SLC33A1: variants seen among roughly 807,000 people sequenced by gnomAD.
SLC33A1 encodes solute carrier family 33 member 1, also known as acetyl-coenzyme A transporter 1.
In SLC33A1, 20 loss-of-function variants were observed where a neutral mutation model predicts 50.0. That is an observed-to-expected ratio of 0.40 (90% CI 0.28 to 0.58). The LOEUF (loss-of-function observed/expected upper bound fraction) is 0.58, where lower values mean the gene tolerates loss of function less well. Among genes scored for constraint, SLC33A1 ranks in the 20% least tolerant of loss-of-function variants. SLC33A1 has a pLI of 0.44. For missense variants in SLC33A1, 476 were observed against 657.0 expected, an observed-to-expected ratio of 0.72 and a Z score of 3.01; for synonymous variants, 265 against 251.8, an observed-to-expected ratio of 1.05 and a Z score of -0.50.
chr3:155,821,387 G>A lies in SLC33A1; in HGVS notation c.*6823C>T, dbSNP rs1486089165. On this transcript the variant is annotated 3_prime_UTR_variant, in exon 6 of 6. Coordinates refer to ENST00000643144, the MANE Select transcript of SLC33A1 (RefSeq NM_004733.4). ...CCAATTTTACACTAATTCTTGCAAA[G>A]GCAACATCTGGGGACAACAATAGAT... 3 of 152,114 alleles carry A rather than the reference G, an allele frequency of 2.0e-5. No homozygotes were observed. The highest frequency in any genetic ancestry group is 7.2e-5 in the African/African-American group (3 of 41,412). The allele number at this position is 152,114 out of a possible 1,614,324, so 9.4% of individuals were successfully genotyped here.
At chr3:155,844,457 ATTTTT>A (rs869180951) in intron 1 of SLC33A1, among the ~76,000 whole-genome samples, 10 of 33,582 alleles carry the variant, frequency 3.0e-4, no homozygotes, top group African/African-American at 8.0e-4. Context: ...ATATATATAT[ATTTTT>A]TTTTTTTTTT....
At chr3:155,839,317 A>T (rs1752831139) in intron 2 of SLC33A1, among the ~76,000 whole-genome samples, 1 of 122,680 alleles carries the variant, frequency 8.2e-6, no homozygotes, top group Non-Finnish European at 1.5e-5. Context: ...AAAAAAAAAA[A>T]AAAAAAAAAA....
At chr3:155,831,832 A>T (rs556269196) in intron 4 of SLC33A1, among the ~76,000 whole-genome samples, 1 of 152,348 alleles carries the variant, frequency 6.6e-6, no homozygotes, top group African/African-American at 2.4e-5. Context: ...ATTTAGTCTG[A>T]CAGGATCCAC....
chr3:155,850,521 TTA>T (rs1753355957), intron 1 of SLC33A1, among the ~76,000 whole-genome samples: 1 of 152,174 alleles, frequency 6.6e-6, no homozygotes, highest in Admixed American at 6.6e-5. Context: ...GAGAATAATG[TTA>T]TGAGTTCAAG....
In SLC33A1 at chr3:155,853,829, C is replaced by G. The variant is rs150651158; in HGVS notation, c.169G>C (p.Gly57Arg). ...GGGGCTTTTAAGAAGTCGCCAGTGCCGGTATCCCCCAGAAGAGCTTCTCTG... is the reference window on the plus strand; with the variant it reads ...GGGGCTTTTAAGAAGTCGCCAGTGCGGGTATCCCCCAGAAGAGCTTCTCTG... Reference protein sequence around the residue: ...GDREALLGDTGTGDFLKAPQS... With the variant: ...GDREALLGDTRTGDFLKAPQS... The change falls in exon 1 of 6, where the codon GGC becomes CGC. Residue 57 changes from glycine to arginine, a missense_variant. Transcript: ENST00000643144. 558 of 1,608,838 alleles carry G rather than the reference C, an allele frequency of 3.5e-4. No individual in the cohort carries two copies. The African/African-American group carries it at 6.6e-3, about 19-fold the overall frequency.
intron 1 of SLC33A1, among the ~76,000 whole-genome samples, chr3:155,848,574 C>T (rs1264557297): frequency 6.6e-6 from 1 of 151,958 alleles, no homozygotes; most frequent in Non-Finnish European, 1.5e-5. Context: ...CCCAGCTACT[C>T]GGGAGGCTGA....
rs1418983049 is a variant in SLC33A1, at chr3:155,854,373, C to T, written c.-376G>A. ...CTCCCGACCCAACACCTCCAGCTCT[C>T]GCTGCTATCAATGCGGCAGAGAGCA... On this transcript the variant is annotated 5_prime_UTR_variant, in exon 1 of 6. Coordinates refer to ENST00000643144, the MANE Select transcript of SLC33A1 (RefSeq NM_004733.4). 3 of 199,696 alleles carry T rather than the reference C, an allele frequency of 1.5e-5. No individual in the cohort carries two copies. Among genetic ancestry groups the T allele is most frequent in the South Asian group, 1.6e-4 (1 of 6,210 alleles). 12.4% of individuals were successfully genotyped at this position (199,696 alleles called of 1,614,324 possible).
At chr3:155,848,659 G>A (rs1753276511) in intron 1 of SLC33A1, among the ~76,000 whole-genome samples, 1 of 152,112 alleles carries the variant, frequency 6.6e-6, no homozygotes, top group African/African-American at 2.4e-5. Flanking sequence ...TCCAGCCTGG[G>A]CAACAAAGTG....
rs1443068928 is a variant in SLC33A1 at position 155,821,446 on chromosome 3, T to C, written c.*6764A>G. 3.3e-5 allele frequency: 5 copies of C among 152,232 alleles called. No homozygotes were observed. The highest frequency in any genetic ancestry group is 1.5e-5 in the Non-Finnish European group (1 of 68,054). The allele number at this position is 152,232 out of a possible 1,614,324, so 9.4% of individuals were successfully genotyped here. A position where few individuals can be genotyped will look rare whatever the true frequency, so the allele number is the denominator to read the frequency against. ...ACCAATATAATTTGACAGTGGTAAT[T>C]TATCAATTTACCAAATATGCCACTT... is the stretch of plus-strand genomic sequence containing the variant. On this transcript the variant is annotated 3_prime_UTR_variant, in exon 6 of 6. Coordinates refer to ENST00000643144, the MANE Select transcript of SLC33A1 (RefSeq NM_004733.4).
chr3:155,833,925 A>G lies in SLC33A1; in HGVS notation c.1080T>C (p.Pro360=), dbSNP rs1212460407. The change falls in exon 3 of 6, where the codon CCT becomes CCC. Residue 360 remains proline (P), a synonymous_variant. Coordinates refer to ENST00000643144, the MANE Select transcript of SLC33A1 (RefSeq NM_004733.4). ...VPMVPLQIIL[P]LIISKYTAGP... is the part of the protein sequence containing the mutation. ...CTGCAGTGTATTTGCTGATAATCAG[A>G]GGCAGTATTATCTGCAAAGGAACCA... 1.9e-6 allele frequency: 3 copies of G among 1,613,468 alleles called. No individual in the cohort carries two copies. Among genetic ancestry groups the G allele is most frequent in the African/African-American group, 1.3e-5 (1 of 74,916 alleles).
chr3:155,830,377 AAAAT>A (rs962909346), intron 4 of SLC33A1, among the ~76,000 whole-genome samples: 1 of 151,798 alleles, frequency 6.6e-6, no homozygotes, highest in Non-Finnish European at 1.5e-5. Flanking sequence ...AGTCTCAAAA[AAAAT>A]AAATAAATAA....
rs149193314 is a variant in SLC33A1, at chr3:155,828,777, A to G, written c.1483-400T>C. Among the ~76,000 whole-genome samples the G allele has an allele frequency of 1.8e-3, 280 of 151,400 alleles. 1 individual carries two copies. Among genetic ancestry groups the G allele is most frequent in the Non-Finnish European group, 2.2e-3 (146 of 67,848 alleles). On this transcript the variant is annotated intron_variant, in intron 5 of 5. Transcript: ENST00000643144. Reference sequence around the variant, plus strand: ...ATTAATTTCTACATTTTTTGTAGAGATGGTGCTTCACCATGTGGCCCAGGG... The same window carrying G: ...ATTAATTTCTACATTTTTTGTAGAGGTGGTGCTTCACCATGTGGCCCAGGG...
Position 155,853,206 on chromosome 3 carries a change from T to G in SLC33A1, c.775+17A>C. 1 of 1,602,758 alleles carries G rather than the reference T, an allele frequency of 6.2e-7. No homozygotes were observed. Among genetic ancestry groups the G allele is most frequent in the Non-Finnish European group, 8.5e-7 (1 of 1,169,760 alleles). ...AGGATAAATAAACCTAACACCATAATAGCTTAAATACACTACCTGAAAGAG... is the reference window on the plus strand; with the variant it reads ...AGGATAAATAAACCTAACACCATAAGAGCTTAAATACACTACCTGAAAGAG... On this transcript the variant is annotated intron_variant, in intron 1 of 5. Coordinates refer to ENST00000643144, the MANE Select transcript of SLC33A1 (RefSeq NM_004733.4).
chr3:155,837,219 G>C (rs562242851), intron 2 of SLC33A1, among the ~76,000 whole-genome samples: 1 of 152,180 alleles, frequency 6.6e-6, no homozygotes, highest in South Asian at 2.1e-4. Flanking sequence ...AGCTGGGCGT[G>C]GTGGTGGGTG....
At chr3:155,838,435 C>G (rs1489930152) in intron 2 of SLC33A1, among the ~76,000 whole-genome samples, 1 of 151,816 alleles carries the variant, frequency 6.6e-6, no homozygotes, top group East Asian at 1.9e-4. Flanking sequence ...AATCCCAGCA[C>G]TTTGGGAGGC....
Position 155,828,202 on chromosome 3 carries a change from C to T in SLC33A1, c.*8G>A. 1 of 1,595,316 alleles carries T rather than the reference C, an allele frequency of 6.3e-7. No individual in the cohort carries two copies. Among genetic ancestry groups the T allele is most frequent in the Non-Finnish European group, 8.6e-7 (1 of 1,163,084 alleles). On this transcript the variant is annotated 3_prime_UTR_variant, in exon 6 of 6. Coordinates refer to ENST00000643144, the MANE Select transcript of SLC33A1 (RefSeq NM_004733.4). ...ATTACCTTGCTAGAATGTCCAGTAG[C>T]ATATATATTAATTGTTCCTTTTGCA...
intron 1 of SLC33A1, among the ~76,000 whole-genome samples, chr3:155,845,361 C>G (rs1753127080): frequency 6.6e-6 from 1 of 152,142 alleles, no homozygotes; most frequent in South Asian, 2.1e-4. Context: ...GGGTCTCACT[C>G]TGTCACCCAA....
Position 155,853,427 on chromosome 3 carries a change from C to A in SLC33A1, c.571G>T (p.Ala191Ser). The A allele has an allele frequency of 6.2e-7, 1 of 1,613,966 alleles. No homozygotes were observed. Among genetic ancestry groups the A allele is most frequent in the East Asian group, 2.2e-5 (1 of 44,870 alleles). The change falls in exon 1 of 6, where the codon GCC becomes TCC. Residue 191 changes from alanine (A) to serine (S), a missense_variant. Ala to Ser is a moderately conservative substitution (Grantham distance 99, BLOSUM62 1). Coordinates refer to ENST00000643144, the MANE Select transcript of SLC33A1 (RefSeq NM_004733.4). ...CCATCGACGGCAATGTCCTGAGTGG[C>A]GGCCAAGAATTCAAACAAAAAGAAC... ...VAFFLFEFLA[A>S]TQDIAVDGWA... is the part of the protein sequence containing the mutation.
chr3:155,826,933 T>A lies in SLC33A1; in HGVS notation c.*1277A>T, dbSNP rs1042640733. 8 of 152,200 alleles carry A rather than the reference T, an allele frequency of 5.3e-5. No individual in the cohort carries two copies. Among genetic ancestry groups the A allele is most frequent in the African/African-American group, 1.9e-4 (8 of 41,444 alleles). 9.4% of individuals were successfully genotyped at this position (152,200 alleles called of 1,614,324 possible). A position where few individuals can be genotyped will look rare whatever the true frequency, so the allele number is the denominator to read the frequency against. ...TCTAACTTTTGGAGGATTTATATAA[T>A]CTCTAAAGAGTCAGAGTAATACATA... On this transcript the variant is annotated 3_prime_UTR_variant, in exon 6 of 6. Transcript: ENST00000643144.
Sources: gnomAD v4.1 joint callset for allele counts (sites outside exome capture counted in the v4.1 genomes callset) on GRCh38, gnomAD v4.1.1 for gene constraint, MANE v1.5 for transcripts, NCBI Gene and HGNC (gene_info 2026-07-23, HGNC 2026-07-21) for gene names.